SPRY3: variants seen among roughly 807,000 people sequenced by gnomAD.
SPRY3 encodes sprouty RTK signaling antagonist 3, also known as protein sprouty homolog 3.
Under a neutral mutation model 20.2 loss-of-function variants are expected in SPRY3, and 15 were observed. The ratio of observed to expected loss-of-function variants is 0.74; its 90% CI spans 0.50 to 1.14. The LOEUF (loss-of-function observed/expected upper bound fraction) is 1.14. Among genes scored for constraint, SPRY3 ranks in the 50% most tolerant of loss-of-function variants. The pLI is 0.00. For missense variants in SPRY3, 364 were observed against 363.9 expected (o/e 1.00, Z 0.00); for synonymous variants, 143 against 136.5 (o/e 1.05, Z -0.33).
chrX:155,726,550 ATTTATCCCTTTACCATTATGTAATGG>A (rs1322307739), intron 2 of SPRY3, among the ~76,000 whole-genome samples: 1 of 152,096 alleles, frequency 6.6e-6, no homozygotes, highest in African/African-American at 2.4e-5. Context: ...TTCTTGTTGA[ATTTATCCCTTTACCATTATGTAATGG>A]CCTTCTTTTT....
In SPRY3 at chrX:155,663,218, A is replaced by G. The variant is rs782729145; in HGVS notation, c.-282+6193A>G. Among the ~76,000 whole-genome samples, 18 of 112,121 alleles carry G rather than the reference A, an allele frequency of 1.6e-4. No homozygotes were observed. The South Asian group carries it at 6.6e-3, about 41-fold the overall frequency. ...CAAGAACTCAAGAAATATTGTCATT[A>G]TTCCTTCCTAAGGGATTTAATAGAG... On this transcript the variant is annotated intron_variant, in intron 2 of 3. Transcript: ENST00000675360.
chrX:155,777,117 T>C (rs1335360000), downstream of SPRY3: 1 of 167,010 alleles, frequency 6.0e-6, no homozygotes, highest in Non-Finnish European at 1.5e-5. Context: ...TACACTTATC[T>C]ACCCTGAAAA....
intron 1 of SPRY3, among the ~76,000 whole-genome samples, chrX:155,622,195 G>C (rs142972198): frequency 8.9e-6 from 1 of 112,235 alleles, no homozygotes; most frequent in Non-Finnish European, 1.9e-5. Context: ...GCAAAGTATA[G>C]TAACTTTCAG....
intron 1 of SPRY3, among the ~76,000 whole-genome samples, chrX:155,633,004 A>C (rs1021280739): frequency 2.7e-5 from 3 of 111,540 alleles, no homozygotes; most frequent in African/African-American, 9.8e-5. Flanking sequence ...CTTAACTACA[A>C]GAGATGAGAG....
At chrX:155,692,060 T>A (rs1221999162) in intron 2 of SPRY3, among the ~76,000 whole-genome samples, 1 of 103,563 alleles carries the variant, frequency 9.7e-6, no homozygotes, top group Non-Finnish European at 2.0e-5. Context: ...TATTACATAT[T>A]CTTACTCATA....
intron 1 of SPRY3, among the ~76,000 whole-genome samples, chrX:155,649,251 C>A (rs1239548299): frequency 2.7e-5 from 3 of 111,768 alleles, no homozygotes; most frequent in Non-Finnish European, 5.7e-5. Context: ...AAGAGGGACT[C>A]TTCCCTAACT....
chrX:155,674,236 G>A (rs990619920), intron 2 of SPRY3, among the ~76,000 whole-genome samples: 10 of 110,592 alleles, frequency 9.0e-5, no homozygotes, highest in Non-Finnish European at 1.3e-4. Flanking sequence ...CTGCCTGATC[G>A]CCATGAGTGC....
intron 2 of SPRY3, among the ~76,000 whole-genome samples, chrX:155,754,655 T>A (rs306892): frequency 0.38 from 57,513 of 151,740 alleles, 10,473 homozygotes; most frequent in South Asian, 0.52. Flanking sequence ...TGATAGGGAT[T>A]ATGTTTTCTG....
At chrX:155,725,734 G>T (rs915316901) in intron 2 of SPRY3, among the ~76,000 whole-genome samples, 20 of 151,828 alleles carry the variant, frequency 1.3e-4, no homozygotes, top group South Asian at 4.2e-4. Context: ...TCTTGCTAGC[G>T]GTCTGTTGAT....
rs782767583 is a variant in SPRY3 at position 155,631,806 on chromosome X, G to T, written c.-441+19159G>T. 9.9e-5 allele frequency among the ~76,000 whole-genome samples: 11 copies of T among 110,643 alleles called. No individual in the cohort carries two copies. In the South Asian group the frequency reaches 4.2e-3, roughly 42 times the overall value. On this transcript the variant is annotated intron_variant, in intron 1 of 3. Transcript: ENST00000675360. ...TTTTAATTTTTGTGGGTACATAGTT[G>T]GTGTATATATTTATGGGGTACGTGA...
At chrX:155,765,963 A>G (rs1247506690) in intron 2 of SPRY3, among the ~76,000 whole-genome samples, 1 of 152,200 alleles carries the variant, frequency 6.6e-6, no homozygotes, top group African/African-American at 2.4e-5. Flanking sequence ...TTTGACCTGA[A>G]TCTAGTTAGT....
intron 2 of SPRY3, among the ~76,000 whole-genome samples, chrX:155,753,742 C>T (rs965228220): frequency 6.6e-6 from 1 of 151,948 alleles, no homozygotes; most frequent in Non-Finnish European, 1.5e-5. Flanking sequence ...TTCTTCACAT[C>T]CTCACTACCA....
chrX:155,721,705 C>T (rs753030902), intron 2 of SPRY3, among the ~76,000 whole-genome samples: 1 of 151,924 alleles, frequency 6.6e-6, no homozygotes, highest in Non-Finnish European at 1.5e-5. Flanking sequence ...GTGTATCTGG[C>T]AAAAATTATC....
At chrX:155,718,418 A>G (rs1336419015) in intron 2 of SPRY3, among the ~76,000 whole-genome samples, 3 of 152,146 alleles carry the variant, frequency 2.0e-5, no homozygotes, top group Non-Finnish European at 2.9e-5. Context: ...AAAATTATAA[A>G]ACTACAATAG....
chrX:155,658,295 A>G (rs2067998471), intron 2 of SPRY3, among the ~76,000 whole-genome samples: 1 of 111,983 alleles, frequency 8.9e-6, no homozygotes, highest in Admixed American at 9.5e-5. Flanking sequence ...TCATTTTAAC[A>G]ATATTGATTC....
At chrX:155,622,945 T>C (rs2067876259) in intron 1 of SPRY3, among the ~76,000 whole-genome samples, 1 of 112,133 alleles carries the variant, frequency 8.9e-6, no homozygotes, top group South Asian at 3.7e-4. Flanking sequence ...ATATTAGGAT[T>C]GCTTTCCCCA....
intron 1 of SPRY3, among the ~76,000 whole-genome samples, chrX:155,624,665 CT>C (rs2067882562): frequency 9.0e-6 from 1 of 111,137 alleles, no homozygotes; most frequent in South Asian, 3.7e-4. Flanking sequence ...AGTATTTTCA[CT>C]GATTAGTTTC....
intron 2 of SPRY3, among the ~76,000 whole-genome samples, chrX:155,720,976 A>C (rs2091053781): frequency 6.6e-6 from 1 of 152,202 alleles, no homozygotes; most frequent in African/African-American, 2.4e-5. Context: ...AGAAACAGAG[A>C]TATCTGACTT....
chrX:155,776,581 C>T (rs2048885063), exon 4 of SPRY3: 2 of 167,054 alleles, frequency 1.2e-5, no homozygotes, highest in East Asian at 3.9e-4. Context: ...ATAAGTGAAT[C>T]CAAAATTCAC....
Sources: gnomAD v4.1 joint callset for allele counts (sites outside exome capture counted in the v4.1 genomes callset) on GRCh38, gnomAD v4.1.1 for gene constraint, MANE v1.5 for transcripts, NCBI Gene and HGNC (gene_info 2026-07-23, HGNC 2026-07-21) for gene names.